The following ROR1 variants were observed in gnomAD, a reference collection of about 807,000 sequenced individuals.
The protein encoded by ROR1 is inactive tyrosine-protein kinase transmembrane receptor ROR1.
Under a neutral mutation model 78.8 loss-of-function variants are expected in ROR1, and 19 were observed. That is an observed-to-expected ratio of 0.24 (90% confidence interval 0.17 to 0.35). The LOEUF (loss-of-function observed/expected upper bound fraction) is 0.35. ROR1 is among the 10% of genes least tolerant of loss of function. ROR1 has a pLI of 1.00. For missense variants in ROR1, 917 were observed against 1,177.8 expected (o/e 0.78, Z 3.24); for synonymous variants, 386 against 433.6 (o/e 0.89, Z 1.36).
At chr1:63,826,782 C>G (rs1235820578) in intron 1 of ROR1, among the ~76,000 whole-genome samples, 2 of 151,830 alleles carry the variant, frequency 1.3e-5, no homozygotes. Context: ...AAAAAGCATT[C>G]CTTTTTCTCC....
At chr1:63,799,518 GA>G (rs1644782605) in intron 1 of ROR1, among the ~76,000 whole-genome samples, 1 of 152,116 alleles carries the variant, frequency 6.6e-6, no homozygotes, top group Non-Finnish European at 1.5e-5. Context: ...TGTATTTCAG[GA>G]ATATTGTGCA....
intron 2 of ROR1, among the ~76,000 whole-genome samples, chr1:64,017,241 A>C (rs1368571233): frequency 6.6e-6 from 1 of 151,980 alleles, no homozygotes; most frequent in East Asian, 1.9e-4. Flanking sequence ...AGGGATTTGG[A>C]TATATGCGGG....
intron 1 of ROR1, among the ~76,000 whole-genome samples, chr1:63,784,355 A>T (rs1644671255): frequency 6.6e-6 from 1 of 152,048 alleles, no homozygotes; most frequent in Admixed American, 6.6e-5. Flanking sequence ...TTTTGTTTGG[A>T]ATTTGTGCCT....
intron 8 of ROR1, among the ~76,000 whole-genome samples, chr1:64,160,836 C>T (rs1420850575): frequency 6.6e-6 from 1 of 152,080 alleles, no homozygotes; most frequent in Non-Finnish European, 1.5e-5. Context: ...GAACTCTGGG[C>T]GGGGGAGAGA....
intron 2 of ROR1, among the ~76,000 whole-genome samples, chr1:64,033,263 T>C (rs1488645871): frequency 2.0e-5 from 3 of 152,230 alleles, no homozygotes; most frequent in African/African-American, 7.2e-5. Context: ...ATGCTATTTT[T>C]AATTCACCTT....
At chr1:63,887,256 T>G (rs1476181286) in intron 1 of ROR1, among the ~76,000 whole-genome samples, 1 of 152,114 alleles carries the variant, frequency 6.6e-6, no homozygotes, top group African/African-American at 2.4e-5. Context: ...AGGCCATGCT[T>G]GTTCACCCTG....
At chr1:64,076,856 T>G (rs1299474476) in intron 4 of ROR1, among the ~76,000 whole-genome samples, 1 of 152,226 alleles carries the variant, frequency 6.6e-6, no homozygotes, top group Admixed American at 6.5e-5. Context: ...ACAGCAGTAT[T>G]TTTTATATTA....
intron 1 of ROR1, among the ~76,000 whole-genome samples, chr1:63,993,781 C>A (rs1646315011): frequency 6.6e-6 from 1 of 152,076 alleles, no homozygotes; most frequent in African/African-American, 2.4e-5. Flanking sequence ...TATTGCTGGA[C>A]AAGTAGGTTG....
Position 63,851,333 on chromosome 1 carries a change from C to T in ROR1, c.91+76825C>T, listed in dbSNP as rs376741275. ...GAGATTGCATTAGTCATTCCTTCTT[C>T]AAGAGCAGATTTTCTTTTCTGCTTT... On this transcript the variant is annotated intron_variant, in intron 1 of 8. Transcript: ENST00000371079. 5.9e-5 allele frequency among the ~76,000 whole-genome samples: 9 copies of T among 152,114 alleles called. No individual in the cohort carries two copies. In the East Asian group the frequency reaches 1.3e-3, roughly 23 times the overall value.
chr1:63,812,670 T>C (rs1218205362), intron 1 of ROR1, among the ~76,000 whole-genome samples: 1 of 152,200 alleles, frequency 6.6e-6, no homozygotes, highest in African/African-American at 2.4e-5. Context: ...AGGCAGTACT[T>C]AGGAGGATTA....
intron 1 of ROR1, among the ~76,000 whole-genome samples, chr1:63,806,840 C>G (rs1033291167): frequency 8.5e-5 from 13 of 152,100 alleles, no homozygotes; most frequent in African/African-American, 3.1e-4. Context: ...GTATCATAAG[C>G]CATTTCAGAA....
chr1:63,827,847 C>T (rs1251574828), intron 1 of ROR1, among the ~76,000 whole-genome samples: 3 of 152,096 alleles, frequency 2.0e-5, no homozygotes, highest in Non-Finnish European at 4.4e-5. Flanking sequence ...TAGAGTACAG[C>T]CAGGAGCATC....
intron 4 of ROR1, among the ~76,000 whole-genome samples, chr1:64,069,639 T>C (rs1284848533): frequency 6.6e-6 from 1 of 152,112 alleles, no homozygotes; most frequent in Non-Finnish European, 1.5e-5. Context: ...AATGTTATTC[T>C]TTTAGATTAG....
chr1:63,775,822 G>A (rs1482457192), intron 1 of ROR1, among the ~76,000 whole-genome samples: 1 of 152,186 alleles, frequency 6.6e-6, no homozygotes, highest in Non-Finnish European at 1.5e-5. Flanking sequence ...ATCCTATAAT[G>A]TGGTCGTGCT....
chr1:63,843,542 C>G, intron 1 of ROR1: 1 of 740,204 alleles, frequency 1.4e-6, no homozygotes, highest in South Asian at 1.3e-5. Flanking sequence ...TGGTCTCCTC[C>G]AGGATGATGT....
At chr1:63,897,369 T>G (rs1645448792) in intron 1 of ROR1, among the ~76,000 whole-genome samples, 1 of 152,222 alleles carries the variant, frequency 6.6e-6, no homozygotes, top group South Asian at 2.1e-4. Context: ...CCCAGACGAA[T>G]AAGACAACCC....
At chr1:64,175,094 G>A (rs1650343002) in intron 8 of ROR1, among the ~76,000 whole-genome samples, 1 of 150,874 alleles carries the variant, frequency 6.6e-6, no homozygotes, top group Non-Finnish European at 1.5e-5. Context: ...TATTCACCTG[G>A]TTGAAAAATT....
chr1:64,012,639 G>A (rs12078876), intron 2 of ROR1, among the ~76,000 whole-genome samples: 4,532 of 152,174 alleles, frequency 0.03, 252 homozygotes, highest in African/African-American at 0.1. Context: ...TGCATACAAG[G>A]GAGGGGAAGA....
intron 1 of ROR1, among the ~76,000 whole-genome samples, chr1:63,975,568 T>C (rs1361632146): frequency 1.3e-5 from 2 of 152,180 alleles, no homozygotes; most frequent in African/African-American, 4.8e-5. Context: ...TTCTTTTTCA[T>C]GCCCGGAAGT....
Sources: allele counts gnomAD v4.1 joint callset (sites outside exome capture counted in the v4.1 genomes callset), GRCh38; gene constraint gnomAD v4.1.1; transcripts MANE v1.5; gene names NCBI Gene and HGNC (gene_info 2026-07-23, HGNC 2026-07-21).